Variants in GRM8 observed in about 807,000 individuals in gnomAD.
GRM8 encodes the protein glutamate metabotropic receptor 8, also known as metabotropic glutamate receptor 8.
Under a neutral mutation model 87.2 loss-of-function variants are expected in GRM8, and 47 were observed. The ratio of observed to expected loss-of-function variants is 0.54; its 90% CI spans 0.43 to 0.69. The LOEUF is 0.69. Ranked by LOEUF, GRM8 falls within the 30% of genes least tolerant of loss-of-function variation. The probability of loss-of-function intolerance (pLI) is 0.00; values close to 1 mark genes in which losing one functional copy is unlikely to be tolerated. For synonymous variants in GRM8, 396 were observed against 404.5 expected, an observed-to-expected ratio of 0.98 and a Z score of 0.25; for missense variants, 1,019 against 1,139.2, an observed-to-expected ratio of 0.89 and a Z score of 1.52.
At chr7:126,785,419 T>C (rs1989850) in intron 6 of GRM8, among the ~76,000 whole-genome samples, 67,518 of 151,882 alleles carry the variant, frequency 0.44, 15,394 homozygotes, top group Non-Finnish European at 0.47. Flanking sequence ...TTAGTTGTAC[T>C]TCATACCAAT....
At chr7:126,773,696 A>T (rs537253771) in intron 6 of GRM8, among the ~76,000 whole-genome samples, 1 of 152,198 alleles carries the variant, frequency 6.6e-6, no homozygotes, top group South Asian at 2.1e-4. Flanking sequence ...CTTCCTCAGC[A>T]TTTCTTAAAA....
At position 127,088,637 on chromosome 7, in the gene GRM8, C is replaced by T. The variant is rs992648987; in HGVS notation, c.727+17859G>A. Among the ~76,000 whole-genome samples the T allele has an allele frequency of 4.6e-5, 7 of 152,158 alleles. No homozygotes were observed. In the East Asian group the frequency reaches 7.7e-4, roughly 17 times the overall value. On this transcript the variant is annotated intron_variant, in intron 3 of 10. Transcript: ENST00000339582. ...ATTCCCCTGAGAAAGTTACAGTCTACGTAGAACGCAGTGGTGTCAATGGAC... is the reference window on the plus strand; with the variant it reads ...ATTCCCCTGAGAAAGTTACAGTCTATGTAGAACGCAGTGGTGTCAATGGAC...
At chr7:126,725,579 C>T (rs913759202) in intron 7 of GRM8, among the ~76,000 whole-genome samples, 7 of 152,138 alleles carry the variant, frequency 4.6e-5, no homozygotes, top group African/African-American at 1.2e-4. Context: ...CTTATGAGGC[C>T]GACTTAACCA....
chr7:126,612,841 T>G (rs1317700026), intron 7 of GRM8, among the ~76,000 whole-genome samples: 1 of 152,242 alleles, frequency 6.6e-6, no homozygotes, highest in Non-Finnish European at 1.5e-5. Flanking sequence ...CATTATGAAC[T>G]TCATGTATAT....
chr7:126,989,493 T>C (rs1273278241), intron 3 of GRM8, among the ~76,000 whole-genome samples: 2 of 152,236 alleles, frequency 1.3e-5, no homozygotes, highest in African/African-American at 4.8e-5. Context: ...TCCTGTACCC[T>C]TTCAACTATA....
intron 6 of GRM8, among the ~76,000 whole-genome samples, chr7:126,900,490 C>CTT (rs66797752): frequency 1.3e-5 from 2 of 151,774 alleles, no homozygotes; most frequent in East Asian, 1.9e-4. Context: ...CCCTAGCTAG[C>CTT]TTTTTTGTTT....
At chr7:126,526,452 C>T (rs1376940905) in intron 9 of GRM8, among the ~76,000 whole-genome samples, 3 of 152,100 alleles carry the variant, frequency 2.0e-5, no homozygotes, top group Admixed American at 1.3e-4. Flanking sequence ...ATCCAGTGGT[C>T]TAGTTGCATA....
chr7:126,641,451 T>C (rs1334032750), intron 7 of GRM8, among the ~76,000 whole-genome samples: 1 of 151,922 alleles, frequency 6.6e-6, no homozygotes, highest in African/African-American at 2.4e-5. Flanking sequence ...TTAATCAAAA[T>C]AAAGAAAAAA....
chr7:126,650,974 C>A (rs569612882), intron 7 of GRM8, among the ~76,000 whole-genome samples: 2 of 152,196 alleles, frequency 1.3e-5, no homozygotes, highest in African/African-American at 4.8e-5. Flanking sequence ...TGATGCTGAG[C>A]CCTCAATATG....
chr7:126,948,384 G>T (rs1052518896), intron 3 of GRM8, among the ~76,000 whole-genome samples: 4 of 149,732 alleles, frequency 2.7e-5, no homozygotes, highest in African/African-American at 9.9e-5. Context: ...ACACACAAAT[G>T]TACACACAGA....
At chr7:126,809,659 T>G (rs1040164641) in intron 6 of GRM8, among the ~76,000 whole-genome samples, 1 of 152,186 alleles carries the variant, frequency 6.6e-6, no homozygotes, top group African/African-American at 2.4e-5. Context: ...CCCCATAGAA[T>G]GTAACCTAAC....
chr7:126,979,218 A>C (rs1401548814), intron 3 of GRM8, among the ~76,000 whole-genome samples: 1 of 152,174 alleles, frequency 6.6e-6, no homozygotes, highest in Non-Finnish European at 1.5e-5. Flanking sequence ...ACTCCTGAAC[A>C]ATTCCCTCCT....
chr7:126,641,350 C>T (rs1417225003), intron 7 of GRM8, among the ~76,000 whole-genome samples: 1 of 152,148 alleles, frequency 6.6e-6, no homozygotes, highest in Non-Finnish European at 1.5e-5. Flanking sequence ...ATAACACATA[C>T]TTTTAGTCCA....
At chr7:127,146,015 G>C (rs1479069134) in intron 2 of GRM8, among the ~76,000 whole-genome samples, 1 of 151,964 alleles carries the variant, frequency 6.6e-6, no homozygotes, top group East Asian at 1.9e-4. Flanking sequence ...GGAGCAATCT[G>C]GTGGTAGAGG....
At chr7:126,990,791 T>C (rs921761125) in intron 3 of GRM8, among the ~76,000 whole-genome samples, 1 of 152,236 alleles carries the variant, frequency 6.6e-6, no homozygotes, top group Non-Finnish European at 1.5e-5. Flanking sequence ...TACTTGGCAT[T>C]GAATTTGGCA....
chr7:126,938,400 C>T (rs1806560287), intron 3 of GRM8, among the ~76,000 whole-genome samples: 2 of 152,258 alleles, frequency 1.3e-5, no homozygotes, highest in East Asian at 1.9e-4. Context: ...TACATTTTGA[C>T]ATCTAATTTT....
chr7:127,014,945 AAG>A (rs1815262799), intron 3 of GRM8, among the ~76,000 whole-genome samples: 1 of 110,840 alleles, frequency 9.0e-6, no homozygotes, highest in African/African-American at 3.8e-5. Context: ...GAGAGAGAGA[AAG>A]AGAGAGAGAA....
At chr7:126,661,288 GTA>G (rs1477540147) in intron 7 of GRM8, among the ~76,000 whole-genome samples, 3 of 151,898 alleles carry the variant, frequency 2.0e-5, no homozygotes, top group African/African-American at 7.3e-5. Context: ...TACCCCATAA[GTA>G]TATATACCTA....
intron 6 of GRM8, among the ~76,000 whole-genome samples, chr7:126,866,809 C>T (rs886471762): frequency 6.6e-6 from 1 of 151,958 alleles, no homozygotes; most frequent in Admixed American, 6.5e-5. Flanking sequence ...TCAGGCTGGT[C>T]TCAAACTACT....
Sources: allele counts gnomAD v4.1 joint callset (sites outside exome capture counted in the v4.1 genomes callset), GRCh38; gene constraint gnomAD v4.1.1; transcripts MANE v1.5; gene names NCBI Gene and HGNC (gene_info 2026-07-23, HGNC 2026-07-21).